CTNNA3: variants seen among roughly 807,000 people sequenced by gnomAD.
The protein encoded by CTNNA3 is catenin alpha-3.
A neutral mutation model predicts 95.7 loss-of-function variants in CTNNA3; 76 were observed. The observed-to-expected ratio is 0.79, with a 90% CI of 0.66 to 0.96. The LOEUF (loss-of-function observed/expected upper bound fraction) is 0.96, where lower values mean the gene tolerates loss of function less well. Ranked by LOEUF, CTNNA3 falls within the 40% of genes least tolerant of loss-of-function variation. The pLI is 0.00. For missense variants in CTNNA3, 1,191 were observed against 1,089.8 expected (o/e 1.09, Z -1.31); for synonymous variants, 431 against 374.4 (o/e 1.15, Z -1.74).
chr10:66,193,033 G>A (rs2131889896), intron 13 of CTNNA3, among the ~76,000 whole-genome samples: 1 of 152,206 alleles, frequency 6.6e-6, no homozygotes, highest in South Asian at 2.1e-4. Context: ...AGTCAGAAAA[G>A]TATTTACTTA....
Position 66,927,696 on chromosome 10 carries a change from A to T in CTNNA3, c.1048-152172T>A. Reference sequence around the variant, plus strand: ...GGAGCTCCTTACAAAGGCTTGATTTATCAGGCAATGAGATCGAAGCTTTCA... The same window carrying T: ...GGAGCTCCTTACAAAGGCTTGATTTTTCAGGCAATGAGATCGAAGCTTTCA... On this transcript the variant is annotated intron_variant, in intron 7 of 17. Coordinates refer to ENST00000433211, the MANE Select transcript of CTNNA3 (RefSeq NM_013266.4). This position sits in a 1 kb window ranked among gnomAD's most constrained non-coding sequence, Gnocchi z 4.7. 2 of 1,614,192 alleles carry T rather than the reference A, an allele frequency of 1.2e-6. No homozygotes were observed. Among genetic ancestry groups the T allele is most frequent in the Non-Finnish European group, 1.7e-6 (2 of 1,180,032 alleles).
intron 7 of CTNNA3, among the ~76,000 whole-genome samples, chr10:66,933,349 C>A (rs1847515892): frequency 6.6e-6 from 1 of 152,224 alleles, no homozygotes; most frequent in Non-Finnish European, 1.5e-5. Flanking sequence ...CCAGCGAACA[C>A]TAAAACAAAT....
intron 5 of CTNNA3, among the ~76,000 whole-genome samples, chr10:67,413,355 C>T (rs1181086426): frequency 6.6e-6 from 1 of 152,022 alleles, no homozygotes; most frequent in Middle Eastern, 3.2e-3. Context: ...ATGAAGGGCA[C>T]TGCATAACAA....
At chr10:67,679,292 C>T (rs752713174) in intron 1 of CTNNA3, among the ~76,000 whole-genome samples, 5 of 152,122 alleles carry the variant, frequency 3.3e-5, no homozygotes, top group Non-Finnish European at 7.4e-5. Context: ...CCAAAAGAAC[C>T]TGCCCCCTAG....
At chr10:66,304,334 G>A (rs2091903486) in intron 12 of CTNNA3, among the ~76,000 whole-genome samples, 1 of 152,052 alleles carries the variant, frequency 6.6e-6, no homozygotes, top group African/African-American at 2.4e-5. Context: ...AAACAATTTG[G>A]TATGACCTCG....
intron 11 of CTNNA3, among the ~76,000 whole-genome samples, chr10:66,382,980 A>G (rs2092854355): frequency 6.6e-6 from 1 of 152,194 alleles, no homozygotes; most frequent in Non-Finnish European, 1.5e-5. Flanking sequence ...AACCACAAAG[A>G]TGGGAAGAAA....
At chr10:66,869,871 C>A (rs931893877) in intron 7 of CTNNA3, among the ~76,000 whole-genome samples, 14 of 152,094 alleles carry the variant, frequency 9.2e-5, no homozygotes, top group African/African-American at 2.9e-4. Flanking sequence ...GTGTCAGGAA[C>A]CATGTACCAC....
At chr10:67,394,657 A>G (rs550094594) in intron 5 of CTNNA3, among the ~76,000 whole-genome samples, 1 of 152,198 alleles carries the variant, frequency 6.6e-6, no homozygotes, top group African/African-American at 2.4e-5. Flanking sequence ...TAAAATACCA[A>G]TCTGATTACT....
intron 5 of CTNNA3, among the ~76,000 whole-genome samples, chr10:67,285,251 T>A (rs749532311): frequency 2.0e-5 from 3 of 152,180 alleles, no homozygotes; most frequent in Non-Finnish European, 2.9e-5. Flanking sequence ...TAATGAAAGG[T>A]AGAGGAGAAA....
At chr10:66,419,819 G>A (rs923556759) in intron 11 of CTNNA3, among the ~76,000 whole-genome samples, 3 of 152,036 alleles carry the variant, frequency 2.0e-5, no homozygotes, top group Admixed American at 1.3e-4. Context: ...TAGTGCTGGG[G>A]AAATTGAACA....
At chr10:67,479,014 G>A (rs1848121639) in intron 5 of CTNNA3, among the ~76,000 whole-genome samples, 1 of 151,896 alleles carries the variant, frequency 6.6e-6, no homozygotes, top group Admixed American at 6.6e-5. Flanking sequence ...GACAAAGAAG[G>A]TTATTACACA....
chr10:66,206,566 C>T (rs1475048118), intron 13 of CTNNA3, among the ~76,000 whole-genome samples: 1 of 151,842 alleles, frequency 6.6e-6, no homozygotes, highest in Admixed American at 6.6e-5. Flanking sequence ...CAGTGAAGAA[C>T]ACAAGGGAAT....
At chr10:66,531,174 G>A (rs1719495600) in intron 10 of CTNNA3, among the ~76,000 whole-genome samples, 1 of 152,154 alleles carries the variant, frequency 6.6e-6, no homozygotes, top group Non-Finnish European at 1.5e-5. Flanking sequence ...TGCTTGTGAT[G>A]ATAAAACAAA....
intron 6 of CTNNA3, among the ~76,000 whole-genome samples, chr10:67,212,218 C>G (rs990068896): frequency 1.3e-5 from 2 of 151,784 alleles, no homozygotes; most frequent in African/African-American, 4.8e-5. Context: ...ATCTACCAAC[C>G]CAGCTTCTGA....
At chr10:66,047,590 C>T (rs1589291118) in intron 15 of CTNNA3, among the ~76,000 whole-genome samples, 1 of 152,130 alleles carries the variant, frequency 6.6e-6, no homozygotes, top group East Asian at 1.9e-4. Context: ...TGCCCTCTCT[C>T]ATCTCTTCTA....
chr10:67,750,390 T>C (rs1444626647), intron 1 of CTNNA3: 9 of 1,492,150 alleles, frequency 6.0e-6, no homozygotes, highest in East Asian at 2.3e-5. Flanking sequence ...AAGGTGGCCA[T>C]TGATGCAGGA....
chr10:67,036,202 G>C (rs1854042787), intron 7 of CTNNA3, among the ~76,000 whole-genome samples: 1 of 151,528 alleles, frequency 6.6e-6, no homozygotes, highest in South Asian at 2.1e-4. Flanking sequence ...ACTCAGGCTG[G>C]AGTACAGTGG....
At chr10:66,857,357 T>C (rs572301297) in intron 7 of CTNNA3, among the ~76,000 whole-genome samples, 1 of 151,926 alleles carries the variant, frequency 6.6e-6, no homozygotes, top group East Asian at 1.9e-4. Flanking sequence ...CTTTGTTCTT[T>C]ATGCTTAGTA....
At chr10:66,585,865 T>C (rs1473603322) in intron 10 of CTNNA3, among the ~76,000 whole-genome samples, 1 of 152,148 alleles carries the variant, frequency 6.6e-6, no homozygotes, top group Non-Finnish European at 1.5e-5. Flanking sequence ...ATTGTTTTTA[T>C]GGTTCCTTCT....
Sources: gnomAD v4.1 joint callset for allele counts (sites outside exome capture counted in the v4.1 genomes callset) on GRCh38, gnomAD v4.1.1 for gene constraint, Gnocchi (gnomAD v3.1) non-coding constraint, MANE v1.5 for transcripts, NCBI Gene and HGNC (gene_info 2026-07-23, HGNC 2026-07-21) for gene names.